Variants in PRKCA observed in about 807,000 individuals in gnomAD.
PRKCA encodes protein kinase C alpha type.
A neutral mutation model predicts 87.0 loss-of-function variants in PRKCA; 27 were observed. The ratio of observed to expected loss-of-function variants is 0.31; its 90% CI spans 0.23 to 0.43. PRKCA has a LOEUF of 0.43. Among genes scored for constraint, PRKCA ranks in the 20% least tolerant of loss-of-function variants. The pLI, the probability that PRKCA is intolerant of heterozygous loss-of-function variation, is 1.00. For synonymous variants in PRKCA, 329 were observed against 311.1 expected (o/e 1.06, Z -0.61); for missense variants, 518 against 852.3 (o/e 0.61, Z 4.88).
At chr17:66,750,199 G>A (rs528617023) in intron 13 of PRKCA, among the ~76,000 whole-genome samples, 5 of 151,868 alleles carry the variant, frequency 3.3e-5, no homozygotes, top group South Asian at 2.1e-4. Context: ...GAGATCAGCC[G>A]CTTCTGAACC....
At chr17:66,355,837 G>A (rs1006183936) in intron 2 of PRKCA, among the ~76,000 whole-genome samples, 3 of 152,130 alleles carry the variant, frequency 2.0e-5, no homozygotes, top group African/African-American at 7.2e-5. Context: ...ATGGAAAAAT[G>A]CTCTTGAAAA....
In PRKCA at chr17:66,730,495, G is replaced by A. The variant is rs146539527; in HGVS notation, c.919-2193G>A. 3.5e-3 allele frequency among the ~76,000 whole-genome samples: 538 copies of A among 152,220 alleles called. 4 individuals carry two copies. The highest frequency in any genetic ancestry group is 0.012 in the African/African-American group (517 of 41,538). ...GGGTGGATTATTCATGAGTTTTCTGGGAAAGGGGCAGGGAATTCCTGGAAC... is the reference window on the plus strand; with the variant it reads ...GGGTGGATTATTCATGAGTTTTCTGAGAAAGGGGCAGGGAATTCCTGGAAC... On this transcript the variant is annotated intron_variant, in intron 8 of 16. Transcript: ENST00000413366.
chr17:66,468,344 C>T (rs1307682864), intron 2 of PRKCA, among the ~76,000 whole-genome samples: 1 of 152,162 alleles, frequency 6.6e-6, no homozygotes, highest in African/African-American at 2.4e-5. Flanking sequence ...AGGACTCTGT[C>T]CTCATTTGTG....
intron 2 of PRKCA, among the ~76,000 whole-genome samples, chr17:66,336,575 C>T (rs1240993608): frequency 8.2e-6 from 1 of 122,482 alleles, no homozygotes; most frequent in East Asian, 2.4e-4. Context: ...TCTTTTTCCC[C>T]CTCTCCTATT....
At chr17:66,400,905 C>T (rs1910984892) in intron 2 of PRKCA, among the ~76,000 whole-genome samples, 1 of 152,170 alleles carries the variant, frequency 6.6e-6, no homozygotes, top group Non-Finnish European at 1.5e-5. Context: ...CTGCTTTACT[C>T]CCCAGGGGAG....
Position 66,331,257 on chromosome 17 carries a change from C to T in PRKCA, c.205+25130C>T, listed in dbSNP as rs572752794. Among the ~76,000 whole-genome samples the T allele has an allele frequency of 1.2e-4, 18 of 152,214 alleles. No individual in the cohort carries two copies. In the South Asian group the frequency reaches 2.9e-3, roughly 25 times the overall value. ...TATCTCGTGCTTCCTGTCCCATCAA[C>T]CTCTCCCTTCGTCTGTTTTTCTCTT... On this transcript the variant is annotated intron_variant, in intron 2 of 16. Coordinates refer to ENST00000413366, the MANE Select transcript of PRKCA (RefSeq NM_002737.3).
chr17:66,738,230 C>T (rs1268112569), intron 10 of PRKCA, among the ~76,000 whole-genome samples: 1 of 152,226 alleles, frequency 6.6e-6, no homozygotes, highest in African/African-American at 2.4e-5. Flanking sequence ...CATCTAGAGT[C>T]CCCTGTCCCA....
chr17:66,540,578 G>T (rs971601768), intron 3 of PRKCA, among the ~76,000 whole-genome samples: 1 of 152,224 alleles, frequency 6.6e-6, no homozygotes, highest in African/African-American at 2.4e-5. Flanking sequence ...GGGCCTCCCA[G>T]CGGGGCCCTG....
chr17:66,504,785 T>C (rs1201416078), intron 3 of PRKCA, among the ~76,000 whole-genome samples: 1 of 152,190 alleles, frequency 6.6e-6, no homozygotes, highest in East Asian at 1.9e-4. Context: ...AATAAGTCCA[T>C]CAGTGTTTTT....
intron 8 of PRKCA, among the ~76,000 whole-genome samples, chr17:66,692,923 A>G (rs1284437597): frequency 6.6e-6 from 1 of 152,200 alleles, no homozygotes; most frequent in African/African-American, 2.4e-5. Context: ...GGGATCACAC[A>G]GTGTCCAGTC....
intron 8 of PRKCA, among the ~76,000 whole-genome samples, chr17:66,715,006 T>A (rs190748634): frequency 1.3e-5 from 2 of 152,356 alleles, no homozygotes; most frequent in African/African-American, 4.8e-5. Context: ...TGTGCTAAAT[T>A]TAATGACAGT....
At chr17:66,449,956 T>C (rs1652177964) in intron 2 of PRKCA, among the ~76,000 whole-genome samples, 1 of 152,214 alleles carries the variant, frequency 6.6e-6, no homozygotes, top group Non-Finnish European at 1.5e-5. Context: ...AAGTGATTTC[T>C]TATTTTGCTT....
At chr17:66,515,271 CAA>C (rs71367172) in intron 3 of PRKCA, among the ~76,000 whole-genome samples, 15 of 96,394 alleles carry the variant, frequency 1.6e-4, no homozygotes, top group Non-Finnish European at 8.1e-5. Context: ...GACTCTGTCT[CAA>C]AAAAAAAAAA....
intron 8 of PRKCA, among the ~76,000 whole-genome samples, chr17:66,697,614 C>G (rs1363102821): frequency 2.6e-5 from 4 of 152,174 alleles, no homozygotes; most frequent in Non-Finnish European, 1.5e-5. Flanking sequence ...GCCCAAGAGC[C>G]CCACTTCTTT....
At chr17:66,606,085 T>G (rs1376015490) in intron 3 of PRKCA, among the ~76,000 whole-genome samples, 1 of 152,224 alleles carries the variant, frequency 6.6e-6, no homozygotes, top group Non-Finnish European at 1.5e-5. Context: ...ATCTCAAAGC[T>G]GTATATAAAA....
intron 2 of PRKCA, among the ~76,000 whole-genome samples, chr17:66,334,730 A>G (rs151253471): frequency 1.2e-3 from 184 of 152,342 alleles, no homozygotes; most frequent in Non-Finnish European, 2.3e-3. Flanking sequence ...TAGAATTCCT[A>G]TGTGTCCCAG....
chr17:66,631,837 A>C (rs961002455), intron 3 of PRKCA, among the ~76,000 whole-genome samples: 13 of 152,238 alleles, frequency 8.5e-5, no homozygotes, highest in African/African-American at 3.1e-4. Context: ...ATGTACTCAC[A>C]AAAGTTAAAA....
At chr17:66,521,684 A>G (rs1185901675) in intron 3 of PRKCA, among the ~76,000 whole-genome samples, 1 of 152,216 alleles carries the variant, frequency 6.6e-6, no homozygotes. Flanking sequence ...TATTGAAAAG[A>G]AGGACTTTAT....
intron 8 of PRKCA, among the ~76,000 whole-genome samples, chr17:66,690,444 T>A (rs2144044057): frequency 6.6e-6 from 1 of 152,316 alleles, no homozygotes; most frequent in Admixed American, 6.5e-5. Context: ...AGGCCCTCTA[T>A]TGCCGGATCT....
Sources: allele counts gnomAD v4.1 joint callset (sites outside exome capture counted in the v4.1 genomes callset), GRCh38; gene constraint gnomAD v4.1.1; transcripts MANE v1.5; gene names NCBI Gene and HGNC (gene_info 2026-07-23, HGNC 2026-07-21).